CTNND2: variants seen among roughly 807,000 people sequenced by gnomAD.
CTNND2 encodes the protein catenin delta-2.
CTNND2 carries 22 observed loss-of-function variants against 144.4 expected under a neutral mutation model. The observed-to-expected ratio is 0.15, with a 90% CI of 0.11 to 0.22. The LOEUF is 0.22. CTNND2 is among the 10% of genes least tolerant of loss of function. The pLI is 1.00. For synonymous variants in CTNND2, 751 were observed against 695.6 expected, an observed-to-expected ratio of 1.08 and a Z score of -1.25; for missense variants, 1,353 against 1,618.8, an observed-to-expected ratio of 0.84 and a Z score of 2.82.
intron 3 of CTNND2, among the ~76,000 whole-genome samples, chr5:11,442,798 TG>T (rs1764377330): frequency 6.8e-6 from 1 of 146,606 alleles, no homozygotes; most frequent in Non-Finnish European, 1.5e-5. Flanking sequence ...TAATTATATA[TG>T]TATATAATTT....
At chr5:11,472,528 A>T (rs181562758) in intron 3 of CTNND2, among the ~76,000 whole-genome samples, 2 of 152,152 alleles carry the variant, frequency 1.3e-5, no homozygotes, top group Non-Finnish European at 2.9e-5. Context: ...ATTTGGGGAG[A>T]ACTTGCATCT....
At chr5:11,399,242 C>A (rs375095802) in intron 5 of CTNND2, among the ~76,000 whole-genome samples, 110 of 152,282 alleles carry the variant, frequency 7.2e-4, no homozygotes, top group African/African-American at 2.5e-3. Context: ...TCTCCTCCCC[C>A]CTTGAGATAG....
intron 3 of CTNND2, among the ~76,000 whole-genome samples, chr5:11,504,711 T>C (rs944436942): frequency 3.3e-5 from 5 of 152,180 alleles, no homozygotes; most frequent in Non-Finnish European, 7.4e-5. Context: ...CTTTTTCAGA[T>C]ACATTTCATG....
At chr5:11,858,211 T>C (rs1582016096) in intron 1 of CTNND2, among the ~76,000 whole-genome samples, 2 of 152,218 alleles carry the variant, frequency 1.3e-5, no homozygotes, top group African/African-American at 4.8e-5. Flanking sequence ...TCTTAAAGAC[T>C]TTCCACAACA....
intron 15 of CTNND2, among the ~76,000 whole-genome samples, chr5:11,086,294 C>T (rs1019902675): frequency 1.3e-5 from 2 of 152,074 alleles, no homozygotes; most frequent in African/African-American, 4.8e-5. Flanking sequence ...CACCAATCAC[C>T]ACGTCCATGT....
At chr5:11,822,632 G>A (rs544554198) in intron 1 of CTNND2, among the ~76,000 whole-genome samples, 1 of 152,172 alleles carries the variant, frequency 6.6e-6, no homozygotes, top group South Asian at 2.1e-4. Flanking sequence ...CATATTGATA[G>A]TAGTCCCTCT....
At chr5:11,605,842 G>A (rs374167168) in intron 2 of CTNND2, among the ~76,000 whole-genome samples, 4 of 152,082 alleles carry the variant, frequency 2.6e-5, no homozygotes, top group Non-Finnish European at 4.4e-5. Flanking sequence ...GATGTCCCCC[G>A]CCCAAGTCCC....
At chr5:11,229,782 T>G (rs74380035) in intron 10 of CTNND2, among the ~76,000 whole-genome samples, 2,642 of 151,876 alleles carry the variant, frequency 0.017, 35 homozygotes, top group Non-Finnish European at 0.027. Flanking sequence ...CATGTATAAC[T>G]CTTTTTGTAT....
chr5:11,016,019 C>T (rs1741566840), intron 18 of CTNND2, among the ~76,000 whole-genome samples: 2 of 152,142 alleles, frequency 1.3e-5, no homozygotes, highest in South Asian at 2.1e-4. Context: ...AACAGTTGTC[C>T]CTTGAGCCAT....
At chr5:11,280,692 C>T (rs558441780) in intron 9 of CTNND2, among the ~76,000 whole-genome samples, 33 of 152,286 alleles carry the variant, frequency 2.2e-4, no homozygotes, top group African/African-American at 7.9e-4. Context: ...TCCACAGAAA[C>T]AGAGGGAAGC....
rs1385260708 is a variant in CTNND2 at position 11,380,202 on chromosome 5, T to A, written c.1177+4463A>T. On this transcript the variant is annotated intron_variant, in intron 7 of 21. Transcript: ENST00000304623. ...CCTGTGGCTGTTCCGAAACTAAGTC[T>A]CTTGAAACCAGGGGTTATGCCTCAT... Among the ~76,000 whole-genome samples, 3 of 152,248 alleles carry A rather than the reference T, an allele frequency of 2.0e-5. No homozygotes were observed. In the South Asian group the frequency reaches 6.2e-4, roughly 32 times the overall value.
chr5:11,305,856 A>G (rs778811952), intron 9 of CTNND2, among the ~76,000 whole-genome samples: 38 of 152,334 alleles, frequency 2.5e-4, no homozygotes, highest in Admixed American at 5.2e-4. Context: ...ACATGGGAGA[A>G]TGTCCTAGGC....
chr5:11,231,547 G>A (rs1026396777), intron 10 of CTNND2, among the ~76,000 whole-genome samples: 2 of 152,154 alleles, frequency 1.3e-5, no homozygotes, highest in African/African-American at 4.8e-5. Context: ...GCAGCATTTT[G>A]CTCCTGCTCT....
At chr5:11,871,373 CA>C (rs1048789686) in intron 1 of CTNND2, among the ~76,000 whole-genome samples, 2 of 152,204 alleles carry the variant, frequency 1.3e-5, no homozygotes, top group African/African-American at 4.8e-5. Context: ...ATCTGTAAAA[CA>C]AGGATAAAAA....
At chr5:11,853,018 T>C (rs1795088703) in intron 1 of CTNND2, among the ~76,000 whole-genome samples, 1 of 152,164 alleles carries the variant, frequency 6.6e-6, no homozygotes, top group Admixed American at 6.5e-5. Flanking sequence ...AAGAATCACA[T>C]TCAAACCTCG....
intron 3 of CTNND2, among the ~76,000 whole-genome samples, chr5:11,423,891 T>G (rs1399160528): frequency 1.3e-5 from 2 of 152,198 alleles, no homozygotes; most frequent in Non-Finnish European, 2.9e-5. Flanking sequence ...GAAAAAATTT[T>G]TTTTTTGCTT....
chr5:11,663,014 G>A (rs1279121776), intron 2 of CTNND2, among the ~76,000 whole-genome samples: 1 of 152,196 alleles, frequency 6.6e-6, no homozygotes, highest in African/African-American at 2.4e-5. Context: ...CATGTGTTGT[G>A]AGAATGAGAA....
intron 1 of CTNND2, among the ~76,000 whole-genome samples, chr5:11,849,347 T>TGA (rs1794905887): frequency 1.3e-5 from 2 of 152,008 alleles, no homozygotes; most frequent in South Asian, 4.2e-4. Context: ...CAATTCAAGA[T>TGA]GAGATTTGGG....
At chr5:11,175,105 C>G (rs1469627000) in intron 11 of CTNND2, among the ~76,000 whole-genome samples, 1 of 151,794 alleles carries the variant, frequency 6.6e-6, no homozygotes, top group African/African-American at 2.4e-5. Flanking sequence ...GTATTTCAAA[C>G]CAAATTTTAG....
Sources: gnomAD v4.1 joint callset for allele counts (sites outside exome capture counted in the v4.1 genomes callset) on GRCh38, gnomAD v4.1.1 for gene constraint, MANE v1.5 for transcripts, NCBI Gene and HGNC (gene_info 2026-07-23, HGNC 2026-07-21) for gene names.